The following SLMAP variants were observed in gnomAD, a reference collection of about 807,000 sequenced individuals.
The protein encoded by SLMAP is sarcolemmal membrane-associated protein.
A neutral mutation model predicts 128.8 loss-of-function variants in SLMAP; 44 were observed. The observed-to-expected ratio is 0.34, with a 90% CI of 0.27 to 0.44. The LOEUF is 0.44. Among genes scored for constraint, SLMAP ranks in the 20% least tolerant of loss-of-function variants. SLMAP has a pLI of 1.00. For synonymous variants in SLMAP, 327 were observed against 348.8 expected, an observed-to-expected ratio of 0.94 and a Z score of 0.70; for missense variants, 787 against 985.3, an observed-to-expected ratio of 0.80 and a Z score of 2.69.
chr3:57,818,248 C>T (rs892609786), intron 2 of SLMAP, among the ~76,000 whole-genome samples: 13 of 152,070 alleles, frequency 8.5e-5, no homozygotes, highest in African/African-American at 2.4e-4. Flanking sequence ...CTCCGCCTCC[C>T]GGGTTCAAGC....
At chr3:57,839,307 TACATGGTG>T (rs2093799878) in intron 3 of SLMAP, among the ~76,000 whole-genome samples, 1 of 152,118 alleles carries the variant, frequency 6.6e-6, no homozygotes, top group African/African-American at 2.4e-5. Context: ...CAATATTGAA[TACATGGTG>T]TTAAATTCCT....
intron 2 of SLMAP, among the ~76,000 whole-genome samples, chr3:57,786,145 T>C (rs2084039126): frequency 6.6e-6 from 1 of 152,204 alleles, no homozygotes; most frequent in Non-Finnish European, 1.5e-5. Flanking sequence ...AGCATATCAG[T>C]TTGATAATAC....
chr3:57,892,284 A>G (rs757267188), intron 15 of SLMAP, among the ~76,000 whole-genome samples: 3 of 152,196 alleles, frequency 2.0e-5, no homozygotes, highest in Non-Finnish European at 4.4e-5. Context: ...AGCAGTTGCC[A>G]TAAATGAACA....
chr3:57,843,704 TTTTCTTTC>T (rs144551713), intron 4 of SLMAP, among the ~76,000 whole-genome samples: 3 of 147,208 alleles, frequency 2.0e-5, no homozygotes, highest in South Asian at 2.2e-4. Flanking sequence ...CCTTCCTTCC[TTTTCTTTC>T]TTTCTTTCTT....
chr3:57,833,965 A>G (rs563739704), intron 3 of SLMAP, among the ~76,000 whole-genome samples: 2 of 152,332 alleles, frequency 1.3e-5, no homozygotes, highest in Non-Finnish European at 2.9e-5. Flanking sequence ...TATGCTAAAC[A>G]GTGCTGTGAT....
rs953937929 is a variant in SLMAP, at chr3:57,888,055, T to C, written c.1301-1986T>C. Among the ~76,000 whole-genome samples, 3 of 152,196 alleles carry C rather than the reference T, an allele frequency of 2.0e-5. No individual in the cohort carries two copies. The South Asian group carries it at 6.2e-4, about 31-fold the overall frequency. On this transcript the variant is annotated intron_variant, in intron 14 of 24. Coordinates refer to ENST00000671191, the MANE Select transcript of SLMAP (RefSeq NM_001377540.1). The stretch of plus-strand genomic sequence containing the variant: ...AAAATCACAAAGTATTTACCTTCTG[T>C]CCACCCCTTTTCAGGAAATTATAAG...
intron 19 of SLMAP, among the ~76,000 whole-genome samples, chr3:57,911,159 A>C (rs2096684936): frequency 6.6e-6 from 1 of 152,066 alleles, no homozygotes; most frequent in African/African-American, 2.4e-5. Flanking sequence ...CTTTTTTTTA[A>C]AACCTGTCTT....
chr3:57,816,591 A>C (rs1186755752), intron 2 of SLMAP, among the ~76,000 whole-genome samples: 1 of 152,204 alleles, frequency 6.6e-6, no homozygotes, highest in Admixed American at 6.5e-5. Flanking sequence ...ACATTTAAAG[A>C]AGTCATATGT....
At chr3:57,782,948 T>TA (rs1244977702) in intron 2 of SLMAP, among the ~76,000 whole-genome samples, 6 of 152,342 alleles carry the variant, frequency 3.9e-5, no homozygotes, top group Admixed American at 2.0e-4. Flanking sequence ...GGCACCTTGA[T>TA]ACAGAACTTC....
At position 57,803,541 on chromosome 3, in the gene SLMAP, T is replaced by TA. The variant is rs1188998675; in HGVS notation, c.199-27842_199-27841insA. Reference sequence around the variant, plus strand: ...TGTAAAATGTTGAAATAACTTTCATTTTTGTTTCCTTGAATGTAATTTAAA... The same window carrying TA: ...TGTAAAATGTTGAAATAACTTTCATTATTTGTTTCCTTGAATGTAATTTAAA... On this transcript the variant is annotated intron_variant, in intron 2 of 24. Coordinates refer to ENST00000671191, the MANE Select transcript of SLMAP (RefSeq NM_001377540.1). Among the ~76,000 whole-genome samples, 9 of 152,342 alleles carry TA rather than the reference T, an allele frequency of 5.9e-5. 1 individual carries two copies. The highest frequency in any genetic ancestry group is 1.9e-4 in the African/African-American group (8 of 41,570).
chr3:57,794,368 C>T (rs932577127), intron 2 of SLMAP, among the ~76,000 whole-genome samples: 4 of 152,172 alleles, frequency 2.6e-5, no homozygotes, highest in African/African-American at 9.7e-5. Context: ...TTTCAAAAGT[C>T]ACATACTTAC....
At chr3:57,869,660 A>T (rs890214484) in intron 13 of SLMAP, among the ~76,000 whole-genome samples, 6 of 81,370 alleles carry the variant, frequency 7.4e-5, no homozygotes, top group Non-Finnish European at 9.9e-5. Context: ...ATATATATAT[A>T]ATATATATAA....
chr3:57,762,994 G>A (rs1427951136), intron 2 of SLMAP, among the ~76,000 whole-genome samples: 4 of 152,148 alleles, frequency 2.6e-5, no homozygotes, highest in African/African-American at 4.8e-5. Flanking sequence ...AAAGTGCTAG[G>A]ATTACAAGTG....
chr3:57,816,856 G>A (rs1015992237), intron 2 of SLMAP, among the ~76,000 whole-genome samples: 3 of 152,216 alleles, frequency 2.0e-5, no homozygotes, highest in Admixed American at 2.0e-4. Flanking sequence ...TAGAGAGTAT[G>A]AGTGGGTGGA....
In SLMAP at chr3:57,929,344, T is replaced by C. The variant is rs1443676318; in HGVS notation, c.*2055T>C. ...AAGTTTTATTAACCTTTTATTTAAC[T>C]TACTGCTTTATTTTTTTCTCTTTTA... On this transcript the variant is annotated 3_prime_UTR_variant, in exon 25 of 25. Transcript: ENST00000671191. 9.9e-5 allele frequency among the ~76,000 whole-genome samples: 15 copies of C among 152,236 alleles called. No homozygotes were observed. Among genetic ancestry groups the C allele is most frequent in the Non-Finnish European group, 1.5e-5 (1 of 68,032 alleles).
intron 15 of SLMAP, among the ~76,000 whole-genome samples, chr3:57,894,416 A>T (rs1224743178): frequency 6.6e-6 from 1 of 152,206 alleles, no homozygotes; most frequent in Admixed American, 6.5e-5. Context: ...TCATTTTCCC[A>T]TAATGAACAA....
In SLMAP at chr3:57,757,545, A is replaced by G. The variant is rs951379649; in HGVS notation, c.-107A>G. 7.3e-6 allele frequency: 7 copies of G among 963,626 alleles called. No individual in the cohort carries two copies. The highest frequency in any genetic ancestry group is 3.1e-4 in the Middle Eastern group (1 of 3,200). 59.7% of individuals were successfully genotyped at this position (963,626 alleles called of 1,614,324 possible). A position where few individuals can be genotyped will look rare whatever the true frequency, so the allele number is the denominator to read the frequency against. On this transcript the variant is annotated 5_prime_UTR_variant, in exon 2 of 25. The change abolishes the stop of an existing upstream ORF in the 5' untranslated region. Coordinates refer to ENST00000671191, the MANE Select transcript of SLMAP (RefSeq NM_001377540.1). Reference sequence around the variant, plus strand: ...CTTAGACAATGTGCAGTTTGTGTTAATTTAAAATTTTGGGTGGGATAGGGG... The same window carrying G: ...CTTAGACAATGTGCAGTTTGTGTTAGTTTAAAATTTTGGGTGGGATAGGGG...
chr3:57,906,310 C>CTTTTTTTTTCTTTTTTTTTTTTTTTT (rs2096551233), intron 17 of SLMAP, among the ~76,000 whole-genome samples: 1 of 47,048 alleles, frequency 2.1e-5, no homozygotes, highest in Non-Finnish European at 4.2e-5. Context: ...CTTTTTTTTT[C>CTTTTTTTTTCTTTTTTTTTTTTTTTT]TTTTTTTTTT....
chr3:57,795,738 A>G (rs565929985), intron 2 of SLMAP, among the ~76,000 whole-genome samples: 2 of 152,202 alleles, frequency 1.3e-5, no homozygotes, highest in Admixed American at 1.3e-4. Flanking sequence ...CATTAAGTAC[A>G]TTCACAGTGT....
Sources: allele counts gnomAD v4.1 joint callset (sites outside exome capture counted in the v4.1 genomes callset), GRCh38; gene constraint gnomAD v4.1.1; transcripts MANE v1.5; gene names NCBI Gene and HGNC (gene_info 2026-07-23, HGNC 2026-07-21).